Variants in ANO9 observed in about 807,000 individuals in gnomAD.
ANO9 encodes anoctamin 9.
A neutral mutation model predicts 100.5 loss-of-function variants in ANO9; 80 were observed. The ratio of observed to expected loss-of-function variants is 0.80; its 90% CI spans 0.66 to 0.96. ANO9 has a LOEUF of 0.96. Among genes scored for constraint, ANO9 ranks in the 40% least tolerant of loss-of-function variants. The pLI, the probability that ANO9 is intolerant of heterozygous loss-of-function variation, is 0.00. For synonymous variants in ANO9, 473 were observed against 435.6 expected, an observed-to-expected ratio of 1.09 and a Z score of -1.07; for missense variants, 1,064 against 1,072.7, an observed-to-expected ratio of 0.99 and a Z score of 0.11.
chr11:440,628 C>T (rs1356919767), intron 1 of ANO9: 1 of 152,462 alleles, frequency 6.6e-6, no homozygotes, highest in Admixed American at 6.5e-5. Flanking sequence ...CTCCCAGGCT[C>T]GAGCAACCCT....
rs893423767 is a variant in ANO9, at chr11:421,260, G to C, written c.1335-62C>G. The C allele has an allele frequency of 6.9e-7, 1 of 1,441,794 alleles. No individual in the cohort carries two copies. Among genetic ancestry groups the C allele is most frequent in the African/African-American group, 1.4e-5 (1 of 69,932 alleles). The allele number at this position is 1,441,794 out of a possible 1,614,324, so 89.3% of individuals were successfully genotyped here. On this transcript the variant is annotated intron_variant, in intron 15 of 22. Transcript: ENST00000332826. This position sits in a 1 kb window ranked among gnomAD's most constrained non-coding sequence, Gnocchi z 6.8. ...GCGCCCTGCCTCTGACAGGGTGGGT[G>C]CAGCAGGACAGAAGCGGGTAGGAAA...
intron 11 of ANO9, chr11:429,332 A>G (rs1406512384): frequency 1.1e-6 from 1 of 950,074 alleles, no homozygotes; most frequent in African/African-American, 1.7e-5. Context: ...GTGGGGAGAC[A>G]GACACAGCGA....
intron 20 of ANO9, 110 bp downstream of exon 20, chr11:419,472 G>C: frequency 6.7e-7 from 1 of 1,484,870 alleles, no homozygotes; most frequent in South Asian, 1.4e-5. Context: ...AAAGCCCCAG[G>C]GGTACCAACA....
intron 4 of ANO9, 187 bp downstream of exon 4, chr11:433,127 T>C: frequency 1.4e-6 from 1 of 737,394 alleles, no homozygotes; most frequent in Non-Finnish European, 2.1e-6. Flanking sequence ...CGTGATCCTT[T>C]AATGGGATGG....
At chr11:419,258 G>A in intron 20 of ANO9, 1 of 1,420,864 alleles carries the variant, frequency 7.0e-7, no homozygotes, top group Non-Finnish European at 9.2e-7. Flanking sequence ...GGCTCCTCGA[G>A]GTCAGAGAGC....
chr11:429,912 G>A, intron 9 of ANO9, 94 bp from the exon 10 acceptor site: 3 of 1,254,366 alleles, frequency 2.4e-6, no homozygotes, highest in Non-Finnish European at 3.3e-6. Flanking sequence ...CGGGGAAGGG[G>A]GCAGGTGGGC....
At chr11:435,832 C>T (rs61876288) in intron 1 of ANO9, among the ~76,000 whole-genome samples, 70 of 99,028 alleles carry the variant, frequency 7.1e-4, no homozygotes, top group Non-Finnish European at 1.2e-3. Flanking sequence ...TAACATAATA[C>T]GGTATAGTCT....
intron 7 of ANO9, 51 bp from the exon 8 acceptor site, chr11:430,454 A>T (rs1848838864): frequency 1.6e-6 from 1 of 637,900 alleles, no homozygotes. Context: ...TGGGGGAGGG[A>T]CAGGAAAGGG....
intron 11 of ANO9, 29 bp from the exon 12 acceptor site, chr11:428,855 C>T: frequency 6.2e-7 from 1 of 1,602,494 alleles, no homozygotes; most frequent in Non-Finnish European, 8.5e-7. Context: ...AAGCCTCAGA[C>T]AAGGGACACT....
Position 430,325 on chromosome 11 carries a change from C to G in ANO9, c.618G>C (p.Leu206=), listed in dbSNP as rs775556721. ...CGCTCAGAAAGACTAAGAGGCCCGT[C>G]AGGGCGGCCGGCACCAGCATGTAGG... The part of the protein sequence containing the change: ...WYTYMLVPAA[L]TGLLVFLSGF... The change falls in exon 8 of 23, where the codon CTG becomes CTC. Residue 206 remains leucine (L), a synonymous_variant. Coordinates refer to ENST00000332826, the MANE Select transcript of ANO9 (RefSeq NM_001012302.3). The G allele has an allele frequency of 3.7e-6, 6 of 1,609,698 alleles. No homozygotes were observed. The highest frequency in any genetic ancestry group is 5.1e-6 in the Non-Finnish European group (6 of 1,178,982).
intron 12 of ANO9, 28 bp downstream of exon 12, chr11:428,694 C>T (rs746910594): frequency 6.2e-7 from 1 of 1,612,624 alleles, no homozygotes; most frequent in African/African-American, 1.3e-5. Flanking sequence ...CCCGGGTCTC[C>T]AGCCCCACCG....
Position 420,564 on chromosome 11 carries a change from G to A in ANO9, c.1685C>T (p.Pro562Leu), listed in dbSNP as rs1298140032. Reference protein sequence around the residue: ...TIFVAAFPLAPLLALFSNLVE... With the variant: ...TIFVAAFPLALLLALFSNLVE... ...GAGGTTGCTGAAGAGCGCGAGCAGC[G>A]GCGCCAGCGGGAAGGCGGCCACGAA... Residue 562 changes from proline to leucine, a missense_variant, in exon 19 of 23, where the codon CCG becomes CTG. Pro to Leu is a moderately conservative substitution (Grantham distance 98, BLOSUM62 -3). Transcript: ENST00000332826. 1.9e-6 allele frequency: 3 copies of A among 1,605,398 alleles called. No homozygotes were observed. The highest frequency in any genetic ancestry group is 2.5e-6 in the Non-Finnish European group (3 of 1,179,550).
At chr11:438,634 C>T (rs986750260) in intron 1 of ANO9, among the ~76,000 whole-genome samples, 3 of 149,898 alleles carry the variant, frequency 2.0e-5, no homozygotes, top group African/African-American at 7.5e-5. Context: ...GCCCATCCCC[C>T]GGGCCACAGC....
intron 1 of ANO9, 111 bp from the exon 2 acceptor site, chr11:434,209 C>A: frequency 7.9e-7 from 1 of 1,265,272 alleles, no homozygotes; most frequent in Non-Finnish European, 1.1e-6. Context: ...TCCCTCCCCA[C>A]AAGGAGAACA....
chr11:428,045 G>A (rs1456367084), intron 15 of ANO9, 43 bp downstream of exon 15: 3 of 1,330,488 alleles, frequency 2.3e-6, no homozygotes, highest in South Asian at 1.3e-5. Context: ...AGTGGAACAA[G>A]CCCTCGTGAG....
intron 1 of ANO9, among the ~76,000 whole-genome samples, chr11:440,858 G>A (rs936637776): frequency 6.6e-6 from 1 of 152,218 alleles, no homozygotes; most frequent in Non-Finnish European, 1.5e-5. Context: ...CTCAGCTTCC[G>A]GAGTAGCCGG....
Position 420,963 on chromosome 11 carries a change from C to G in ANO9, c.1472G>C (p.Cys491Ser), listed in dbSNP as rs372617082. Reference protein sequence around the residue: ...IMGLKQTLSNCVEYLVPWVTH... With the variant: ...IMGLKQTLSNSVEYLVPWVTH... ...CACTCACGGGACCAGGTACTCGACG[C>G]AGTTGCTGAGCGTCTGCTTCAGGCC... Residue 491 changes from cysteine (C) to serine (S), a missense_variant, in exon 17 of 23, where the codon TGC becomes TCC. Cys to Ser is a moderately radical substitution (Grantham distance 112). Coordinates refer to ENST00000332826, the MANE Select transcript of ANO9 (RefSeq NM_001012302.3). The G allele has an allele frequency of 6.2e-7, 1 of 1,605,968 alleles. No individual in the cohort carries two copies. The highest frequency in any genetic ancestry group is 8.5e-7 in the Non-Finnish European group (1 of 1,175,280).
At position 422,210 on chromosome 11, in the gene ANO9, A is replaced by G. The variant is rs1848239178; in HGVS notation, c.1335-1012T>C. ...CAAGGCATCTGTGGGGCCTAAATGA[A>G]GAAAACTATAAAACTACCAAGGAGC... On this transcript the variant is annotated intron_variant, in intron 15 of 22. Transcript: ENST00000332826. This position sits in a 1 kb window ranked among gnomAD's most constrained non-coding sequence, Gnocchi z 4.3. Among the ~76,000 whole-genome samples, 1 of 152,226 alleles carries G rather than the reference A, an allele frequency of 6.6e-6. No homozygotes were observed. The highest frequency in any genetic ancestry group is 1.5e-5 in the Non-Finnish European group (1 of 68,046).
chr11:425,339 G>A (rs1235816517), intron 15 of ANO9, among the ~76,000 whole-genome samples: 1 of 150,818 alleles, frequency 6.6e-6, no homozygotes, highest in Non-Finnish European at 1.5e-5. Context: ...GGGACTCCGT[G>A]CAATACACGA....
Sources: allele counts gnomAD v4.1 joint callset (sites outside exome capture counted in the v4.1 genomes callset), GRCh38; gene constraint gnomAD v4.1.1; non-coding constraint Gnocchi (gnomAD v3.1); transcripts MANE v1.5; gene names NCBI Gene and HGNC (gene_info 2026-07-23, HGNC 2026-07-21).